Variants in BMP1 observed in about 807,000 individuals in gnomAD.
BMP1 encodes mammalian tolloid protein.
In BMP1, 63 loss-of-function variants were observed where a neutral mutation model predicts 116.8. That is an observed-to-expected ratio of 0.54 (90% CI 0.44 to 0.67). The LOEUF is 0.67. Among genes scored for constraint, BMP1 ranks in the 30% least tolerant of loss-of-function variants. The pLI, the probability that BMP1 is intolerant of heterozygous loss-of-function variation, is 0.00. For missense variants in BMP1, 1,183 were observed against 1,358.9 expected (o/e 0.87, Z 2.04); for synonymous variants, 536 against 533.4 (o/e 1.00, Z -0.07).
At chr8:22,198,888 C>T in intron 15 of BMP1, 3 of 1,126,846 alleles carry the variant, frequency 2.7e-6, no homozygotes, top group Non-Finnish European at 3.3e-6. Flanking sequence ...TCTTCCTTCC[C>T]TGTGCCCACC....
intron 16 of BMP1, among the ~76,000 whole-genome samples, chr8:22,203,614 C>A (rs921414791): frequency 6.6e-6 from 1 of 152,172 alleles, no homozygotes; most frequent in African/African-American, 2.4e-5. Flanking sequence ...GCTTTATAGA[C>A]ATGGCTCTGA....
intron 1 of BMP1, 150 bp downstream of exon 1, chr8:22,165,703 G>A: frequency 1.1e-6 from 1 of 870,516 alleles, no homozygotes; most frequent in Non-Finnish European, 1.6e-6. Context: ...GGGGGAGAGG[G>A]AGGGGGATTT....
intron 14 of BMP1, 46 bp downstream of exon 14, chr8:22,196,886 G>T (rs576658080): frequency 6.3e-7 from 1 of 1,576,416 alleles, no homozygotes; most frequent in South Asian, 1.2e-5. Flanking sequence ...GCTGTGAGGC[G>T]TGGGCATTCA....
At chr8:22,210,979 C>T (rs1829453702) in intron 19 of BMP1, among the ~76,000 whole-genome samples, 1 of 152,264 alleles carries the variant, frequency 6.6e-6, no homozygotes, top group African/African-American at 2.4e-5. Flanking sequence ...TGAGGGCTGA[C>T]CTCACTCAGT....
intron 15 of BMP1, among the ~76,000 whole-genome samples, 166 bp downstream of exon 15, chr8:22,197,586 C>T (rs1171219550): frequency 6.6e-6 from 1 of 152,134 alleles, no homozygotes; most frequent in Non-Finnish European, 1.5e-5. Flanking sequence ...CCAGCCCTTC[C>T]AGTATCCAAA....
chr8:22,195,077 G>C (rs981084992), intron 12 of BMP1, among the ~76,000 whole-genome samples, 158 bp downstream of exon 12: 1 of 152,156 alleles, frequency 6.6e-6, no homozygotes, highest in African/African-American at 2.4e-5. Flanking sequence ...GGGGAGAAGA[G>C]GTCCCCCAAT....
chr8:22,207,269 A>ATTT, intron 17 of BMP1, 34 bp from the exon 18 acceptor site: 5 of 1,593,564 alleles, frequency 3.1e-6, no homozygotes, highest in Non-Finnish European at 3.4e-6. Flanking sequence ...TTCCAGCCAA[A>ATTT]TTTTTAATCT....
At chr8:22,190,009 C>G (rs1326676830) in intron 8 of BMP1, among the ~76,000 whole-genome samples, 1 of 152,156 alleles carries the variant, frequency 6.6e-6, no homozygotes, top group Non-Finnish European at 1.5e-5. Context: ...CAACCTCTGC[C>G]TCCCAGGTTC....
At chr8:22,196,475 C>A (rs1256095764) in intron 13 of BMP1, 5 of 650,732 alleles carry the variant, frequency 7.7e-6, no homozygotes, top group South Asian at 1.8e-5. Context: ...TTAGCTCCCC[C>A]ACTCCTCCCT....
intron 1 of BMP1, among the ~76,000 whole-genome samples, chr8:22,168,936 G>A (rs117456530): frequency 6.6e-6 from 1 of 152,164 alleles, no homozygotes; most frequent in African/African-American, 2.4e-5. Context: ...GGAGGCTAAA[G>A]TGGGAGGATC....
rs758253140 is a variant in BMP1, at chr8:22,209,409, T to G, written c.2576-36T>G. Reference sequence around the variant, plus strand: ...GTGCCATGGGGCCTGGCACCTGCGGTGCTCAGGGCTGGTTGGCCCCTCTTG... The same window carrying G: ...GTGCCATGGGGCCTGGCACCTGCGGGGCTCAGGGCTGGTTGGCCCCTCTTG... On this transcript the variant is annotated intron_variant, in intron 18 of 19. Coordinates refer to ENST00000306385, the MANE Select transcript of BMP1 (RefSeq NM_006129.5). 1.9e-6 allele frequency: 3 copies of G among 1,606,172 alleles called. No individual in the cohort carries two copies. In the Admixed American group the frequency reaches 5.1e-5, roughly 27 times the overall value.
rs28362095 is a variant in BMP1 at position 22,192,156 on chromosome 8, C to A, written c.1180+5C>A. ...GGAGGAAGGCGCCCCTCCGAGGTAA[C>A]GGCACCAGCCACCCCCTGCCCCCTC... On this transcript the variant is annotated splice_donor_5th_base_variant and intron_variant, in intron 9 of 19. Transcript: ENST00000306385. 1 of 1,609,856 alleles carries A rather than the reference C, an allele frequency of 6.2e-7. No homozygotes were observed. The highest frequency in any genetic ancestry group is 1.7e-5 in the Admixed American group (1 of 59,992).
chr8:22,197,124 G>T, intron 14 of BMP1, 116 bp from the exon 15 acceptor site: 1 of 1,343,844 alleles, frequency 7.4e-7, no homozygotes, highest in South Asian at 1.4e-5. Flanking sequence ...GATCCAGTGA[G>T]GGGGCGTAGC....
At chr8:22,180,217 A>G in intron 7 of BMP1, 151 bp from the exon 8 acceptor site, 2 of 683,492 alleles carry the variant, frequency 2.9e-6, no homozygotes, top group Non-Finnish European at 2.6e-6. Flanking sequence ...AGGGGGGTGG[A>G]TCTTATAGGG....
chr8:22,193,650 G>T (rs1257530445), intron 9 of BMP1, among the ~76,000 whole-genome samples: 2 of 152,200 alleles, frequency 1.3e-5, no homozygotes, highest in Non-Finnish European at 2.9e-5. Context: ...TGGGTGTGGT[G>T]GCAGATGCCT....
At chr8:22,200,985 G>GT in intron 15 of BMP1, 1 of 314,830 alleles carries the variant, frequency 3.2e-6, no homozygotes, top group South Asian at 2.5e-5. Flanking sequence ...GTGTCCGCCT[G>GT]CCCTCCCGCC....
rs963790797 is a variant in BMP1, at chr8:22,197,352, A to G, written c.2039A>G (p.Asn680Ser). ...GAGGTCATCACCTCCCAGTACAACAACATGCGCGTGGAGTTCAAGTCCGAC... is the reference window on the plus strand; with the variant it reads ...GAGGTCATCACCTCCCAGTACAACAGCATGCGCGTGGAGTTCAAGTCCGAC... The part of the protein sequence containing the change: ...KPEVITSQYN[N>S]MRVEFKSDNT... Residue 680 changes from asparagine to serine, a missense_variant, in exon 15 of 20, where the codon AAC becomes AGC. Physicochemically the swap from Asn to Ser is conservative, Grantham distance 46. This residue lies in a region of BMP1 where 956 missense variants were observed against 1,135.2 expected (regional missense o/e 0.84). Transcript: ENST00000306385. The G allele has an allele frequency of 7.4e-6, 12 of 1,613,970 alleles. No individual in the cohort carries two copies. The highest frequency in any genetic ancestry group is 2.2e-5 in the South Asian group (2 of 91,082).
At chr8:22,193,783 C>CA (rs1828999909) in intron 9 of BMP1, among the ~76,000 whole-genome samples, 1 of 152,040 alleles carries the variant, frequency 6.6e-6, no homozygotes, top group South Asian at 2.1e-4. Flanking sequence ...GACTCCATCT[C>CA]AAAAAAATAA....
intron 1 of BMP1, among the ~76,000 whole-genome samples, chr8:22,172,897 G>T (rs1465848260): frequency 6.6e-6 from 1 of 152,106 alleles, no homozygotes; most frequent in Non-Finnish European, 1.5e-5. Context: ...GATTACAGGT[G>T]TGAGCCACTG....
Sources: gnomAD v4.1 joint callset for allele counts (sites outside exome capture counted in the v4.1 genomes callset) on GRCh38, gnomAD v4.1.1 for gene constraint, gnomAD v4.1.1 regional missense constraint, MANE v1.5 for transcripts, NCBI Gene and HGNC (gene_info 2026-07-23, HGNC 2026-07-21) for gene names.